Variants in BANK1 observed in about 807,000 individuals in gnomAD.
The protein encoded by BANK1 is B cell scaffold protein with ankyrin repeats 1, also known as B-cell scaffold protein with ankyrin repeats.
Under a neutral mutation model 94.5 loss-of-function variants are expected in BANK1, and 95 were observed. The ratio of observed to expected loss-of-function variants is 1.00; its 90% CI spans 0.85 to 1.19. BANK1 has a LOEUF of 1.19. Among genes scored for constraint, BANK1 ranks in the 50% most tolerant of loss-of-function variants. The pLI is 0.00. For missense variants in BANK1, 987 were observed against 932.2 expected (o/e 1.06, Z -0.77); for synonymous variants, 334 against 308.4 (o/e 1.08, Z -0.87).
chr4:101,901,599 A>C (rs576088873), intron 6 of BANK1, among the ~76,000 whole-genome samples: 1 of 152,202 alleles, frequency 6.6e-6, no homozygotes, highest in East Asian at 1.9e-4. Context: ...AATACAAAGG[A>C]CAGAATAGCA....
chr4:101,798,414 T>C (rs561220341), intron 1 of BANK1, among the ~76,000 whole-genome samples: 3 of 152,310 alleles, frequency 2.0e-5, no homozygotes, highest in South Asian at 2.1e-4. Context: ...TGAAAACTTA[T>C]AGAGAACAGC....
chr4:101,996,897 T>C (rs1360583277), intron 7 of BANK1, among the ~76,000 whole-genome samples: 4 of 152,202 alleles, frequency 2.6e-5, no homozygotes, highest in Non-Finnish European at 4.4e-5. Flanking sequence ...TGACTTCCTC[T>C]TTTCCTATTT....
chr4:101,936,548 G>A (rs74901226), intron 7 of BANK1, among the ~76,000 whole-genome samples: 2,240 of 149,294 alleles, frequency 0.015, 59 homozygotes, highest in African/African-American at 0.052. Context: ...ACACATACAC[G>A]TATACATATA....
intron 2 of BANK1, among the ~76,000 whole-genome samples, chr4:101,852,451 A>T (rs1727513858): frequency 7.2e-6 from 1 of 139,404 alleles, no homozygotes; most frequent in Non-Finnish European, 1.5e-5. Context: ...GCCAGAAAGA[A>T]CCACTCAATA....
intron 10 of BANK1, among the ~76,000 whole-genome samples, chr4:102,030,534 T>A (rs1473419651): frequency 6.6e-6 from 1 of 151,974 alleles, no homozygotes; most frequent in Admixed American, 6.6e-5. Context: ...GCTGTACCCA[T>A]CAACCCGTCA....
chr4:101,948,583 C>T lies in BANK1; in HGVS notation c.1206+30394C>T, dbSNP rs572219809. Among the ~76,000 whole-genome samples the T allele has an allele frequency of 3.3e-5, 5 of 152,116 alleles. No homozygotes were observed. In the South Asian group the frequency reaches 1.0e-3, roughly 32 times the overall value. On this transcript the variant is annotated intron_variant, in intron 7 of 16. Coordinates refer to ENST00000322953, the MANE Select transcript of BANK1 (RefSeq NM_017935.5). ...TGACTCTGTTTTTTATATTTTCTCCCCACCCTTTTTCTTCTATCTAAAATG... is the reference window on the plus strand; with the variant it reads ...TGACTCTGTTTTTTATATTTTCTCCTCACCCTTTTTCTTCTATCTAAAATG...
chr4:101,821,830 A>G (rs1394583309), intron 1 of BANK1, among the ~76,000 whole-genome samples: 4 of 152,152 alleles, frequency 2.6e-5, no homozygotes, highest in Non-Finnish European at 5.9e-5. Flanking sequence ...CCATACAGGA[A>G]AGCAGCCACT....
intron 7 of BANK1, among the ~76,000 whole-genome samples, chr4:101,998,908 C>G (rs1414928430): frequency 6.6e-6 from 1 of 152,078 alleles, no homozygotes; most frequent in East Asian, 1.9e-4. Flanking sequence ...GTCCTACTGC[C>G]TCCTAGTTTA....
chr4:101,967,572 C>A (rs2631244), intron 7 of BANK1, among the ~76,000 whole-genome samples: 1 of 151,752 alleles, frequency 6.6e-6, no homozygotes, highest in Non-Finnish European at 1.5e-5. Flanking sequence ...ATAAACCCAC[C>A]AGGTCTCTGT....
At position 101,932,715 on chromosome 4, in the gene BANK1, A is replaced by G. The variant is rs186578697; in HGVS notation, c.1206+14526A>G. Reference sequence around the variant, plus strand: ...TTTTTACACTTCTGAAAGAAGAAATATTGTGAGACCGCTCATTCCTCTGGG... The same window carrying G: ...TTTTTACACTTCTGAAAGAAGAAATGTTGTGAGACCGCTCATTCCTCTGGG... On this transcript the variant is annotated intron_variant, in intron 7 of 16. Transcript: ENST00000322953. Among the ~76,000 whole-genome samples the G allele has an allele frequency of 2.0e-5, 3 of 151,680 alleles. No homozygotes were observed. The East Asian group carries it at 5.9e-4, about 30-fold the overall frequency.
intron 7 of BANK1, among the ~76,000 whole-genome samples, chr4:102,010,107 T>C (rs543846224): frequency 3.1e-4 from 46 of 150,534 alleles, no homozygotes; most frequent in Non-Finnish European, 5.8e-4. Context: ...CTACTAAAAA[T>C]ACAAAAAATT....
intron 2 of BANK1, among the ~76,000 whole-genome samples, chr4:101,854,607 G>T (rs941013108): frequency 1.4e-5 from 2 of 146,920 alleles, no homozygotes; most frequent in Non-Finnish European, 1.5e-5. Context: ...TGTGCTTTCT[G>T]TTTTTTTTTT....
At chr4:101,922,015 TG>T (rs1392139640) in intron 7 of BANK1, among the ~76,000 whole-genome samples, 1 of 144,834 alleles carries the variant, frequency 6.9e-6, no homozygotes, top group Admixed American at 6.9e-5. Flanking sequence ...GGCCCGTGTG[TG>T]TGTGTGTGTG....
chr4:101,893,134 C>CT (rs1378520360), intron 5 of BANK1, among the ~76,000 whole-genome samples: 1 of 151,852 alleles, frequency 6.6e-6, no homozygotes, highest in Non-Finnish European at 1.5e-5. Context: ...ATGTGGTGAC[C>CT]TTTTTTTCTC....
chr4:102,069,332 C>T (rs948046698), intron 13 of BANK1, among the ~76,000 whole-genome samples: 2 of 152,130 alleles, frequency 1.3e-5, no homozygotes, highest in Non-Finnish European at 1.5e-5. Context: ...CTAGTACCCA[C>T]GTCTTAGTTT....
At chr4:101,857,577 T>A (rs1410342075) in intron 3 of BANK1, among the ~76,000 whole-genome samples, 1 of 152,214 alleles carries the variant, frequency 6.6e-6, no homozygotes, top group African/African-American at 2.4e-5. Flanking sequence ...CCCTTGGAGC[T>A]TGGGAATATT....
chr4:101,909,959 A>G (rs1323247095), intron 6 of BANK1, among the ~76,000 whole-genome samples: 2 of 152,184 alleles, frequency 1.3e-5, no homozygotes, highest in East Asian at 3.8e-4. Flanking sequence ...CTGTGAACAG[A>G]ATGGAGAGAA....
At chr4:101,814,774 G>T (rs1725845261) in intron 1 of BANK1, among the ~76,000 whole-genome samples, 1 of 151,942 alleles carries the variant, frequency 6.6e-6, no homozygotes, top group African/African-American at 2.4e-5. Context: ...TCATTAACTT[G>T]AGTTAAAATT....
At chr4:101,880,712 C>T (rs767856869) in intron 5 of BANK1, among the ~76,000 whole-genome samples, 4 of 151,962 alleles carry the variant, frequency 2.6e-5, no homozygotes, top group Admixed American at 6.6e-5. Context: ...ATGATATTGG[C>T]GTTAAAACAG....
Sources: gnomAD v4.1 joint callset for allele counts (sites outside exome capture counted in the v4.1 genomes callset) on GRCh38, gnomAD v4.1.1 for gene constraint, MANE v1.5 for transcripts, NCBI Gene and HGNC (gene_info 2026-07-23, HGNC 2026-07-21) for gene names.